Variants in BMP8A observed in about 807,000 individuals in gnomAD.
BMP8A encodes the protein BMP-8A.
A neutral mutation model predicts 36.8 loss-of-function variants in BMP8A; 14 were observed. The ratio of observed to expected loss-of-function variants is 0.38; its 90% CI spans 0.25 to 0.60. The LOEUF (loss-of-function observed/expected upper bound fraction) is 0.60, where lower values mean the gene tolerates loss of function less well. BMP8A is among the 20% of genes least tolerant of loss of function. The pLI, the probability that BMP8A is intolerant of heterozygous loss-of-function variation, is 0.63. For synonymous variants in BMP8A, 120 were observed against 237.7 expected, an observed-to-expected ratio of 0.50 and a Z score of 4.55; for missense variants, 267 against 551.1, an observed-to-expected ratio of 0.48 and a Z score of 5.16.
Position 39,524,372 on chromosome 1 carries a change from A to G in BMP8A, c.1059+1255A>G, listed in dbSNP as rs1439605026. On this transcript the variant is annotated intron_variant, in intron 6 of 6. Coordinates refer to ENST00000331593, the MANE Select transcript of BMP8A (RefSeq NM_181809.4). The surrounding 1 kb of genome is among the most constrained non-coding windows in gnomAD (Gnocchi z 4.0). The stretch of plus-strand genomic sequence containing the variant: ...TCTAGGGGAGGCTGTCGGTGGGCAC[A>G]GAAGCAAACCAACCGTGGAGTTGAC... 6.6e-6 allele frequency among the ~76,000 whole-genome samples: 1 copy of G among 152,278 alleles called. No homozygotes were observed. The highest frequency in any genetic ancestry group is 1.9e-4 in the East Asian group (1 of 5,172).
chr1:39,523,411 G>A lies in BMP8A; in HGVS notation c.1059+294G>A, dbSNP rs1225728783. 3.0e-5 allele frequency: 31 copies of A among 1,026,698 alleles called. No individual in the cohort carries two copies. The South Asian group carries it at 5.0e-4, about 17-fold the overall frequency. 63.6% of individuals were successfully genotyped at this position (1,026,698 alleles called of 1,614,324 possible). A position where few individuals can be genotyped will look rare whatever the true frequency, so the allele number is the denominator to read the frequency against. On this transcript the variant is annotated intron_variant, in intron 6 of 6. Coordinates refer to ENST00000331593, the MANE Select transcript of BMP8A (RefSeq NM_181809.4). The stretch of plus-strand genomic sequence containing the variant: ...CTGTGGGACACTTACACACCTGCGT[G>A]CGGCGCTCAGAGGCACAGCACATGA...
At chr1:39,493,526 T>G (rs959603928) in intron 1 of BMP8A, among the ~76,000 whole-genome samples, 8 of 152,150 alleles carry the variant, frequency 5.3e-5, no homozygotes, top group South Asian at 2.1e-4. Context: ...GAACACAGGG[T>G]ACTGAGCTGC....
chr1:39,499,302 C>G (rs11206189), intron 1 of BMP8A, among the ~76,000 whole-genome samples: 89,040 of 152,064 alleles, frequency 0.59, 27,055 homozygotes, highest in South Asian at 0.76. Flanking sequence ...ACAAGAGGCC[C>G]GAGGGACAGA....
rs564418268 is a variant in BMP8A, at chr1:39,527,814, C to T, written c.*2016C>T. 3.9e-5 allele frequency among the ~76,000 whole-genome samples: 6 copies of T among 152,232 alleles called. No individual in the cohort carries two copies. The South Asian group carries it at 8.3e-4, about 21-fold the overall frequency. ...CAGGACAAGTCCCCTTTCTTATTCA[C>T]GCTTCAGTTTCTCATCTGCAACATG... On this transcript the variant is annotated 3_prime_UTR_variant, in exon 7 of 7. Coordinates refer to ENST00000331593, the MANE Select transcript of BMP8A (RefSeq NM_181809.4).
Position 39,522,439 on chromosome 1 carries a change from G to A in BMP8A, c.905G>A (p.Arg302His), listed in dbSNP as rs370506690. The A allele has an allele frequency of 5.0e-5, 81 of 1,613,176 alleles. No homozygotes were observed. The highest frequency in any genetic ancestry group is 4.2e-4 in the Admixed American group (25 of 59,880). ...VRGSHGRQVC[R>H]RHELYVSFQD... ...GGCTCCCACGGCCGGCAGGTCTGCC[G>A]TCGGCACGAGCTCTACGTCAGCTTC... Residue 302 changes from arginine (R) to histidine (H), a missense_variant, in exon 5 of 7, where the codon CGT becomes CAT. Arg to His is a conservative substitution (Grantham distance 29). Transcript: ENST00000331593.
intron 1 of BMP8A, among the ~76,000 whole-genome samples, chr1:39,504,915 T>G (rs1645287865): frequency 6.6e-6 from 1 of 152,092 alleles, no homozygotes. Flanking sequence ...TGCCTCGATG[T>G]GCATGTAGGC....
chr1:39,523,866 G>A, intron 6 of BMP8A: 1 of 409,224 alleles, frequency 2.4e-6, no homozygotes, highest in Admixed American at 5.3e-5. Context: ...AGGTTCAACG[G>A]TGATGCCTTG....
At chr1:39,499,370 C>G (rs181320361) in intron 1 of BMP8A, among the ~76,000 whole-genome samples, 2 of 152,178 alleles carry the variant, frequency 1.3e-5, no homozygotes. Context: ...CCTTCGGGGC[C>G]GGGGAGGGTC....
intron 1 of BMP8A, among the ~76,000 whole-genome samples, chr1:39,504,250 G>C (rs1288538234): frequency 6.6e-6 from 1 of 151,932 alleles, no homozygotes; most frequent in Admixed American, 6.6e-5. Flanking sequence ...GTGGGCCCAG[G>C]GGACCGGCAC....
intron 1 of BMP8A, among the ~76,000 whole-genome samples, chr1:39,505,045 A>G (rs1288624588): frequency 1.3e-5 from 2 of 152,262 alleles, no homozygotes; most frequent in African/African-American, 4.8e-5. Context: ...AGAATGTCCA[A>G]TCGGGTTTTA....
chr1:39,504,256 G>A (rs60415571), intron 1 of BMP8A, among the ~76,000 whole-genome samples: 2 of 151,714 alleles, frequency 1.3e-5, no homozygotes, highest in Non-Finnish European at 2.9e-5. Flanking sequence ...CCAGGGGACC[G>A]GCACTCAGCA....
intron 1 of BMP8A, among the ~76,000 whole-genome samples, chr1:39,494,486 G>T (rs1053963356): frequency 6.6e-6 from 1 of 151,360 alleles, no homozygotes; most frequent in Non-Finnish European, 1.5e-5. Context: ...CAGTAGCTAG[G>T]GCTACAGTCG....
chr1:39,502,841 C>T (rs557889625), intron 1 of BMP8A, among the ~76,000 whole-genome samples: 7 of 152,300 alleles, frequency 4.6e-5, no homozygotes, highest in African/African-American at 7.2e-5. Flanking sequence ...GTCAGGAGTT[C>T]GAGACTAGCC....
intron 3 of BMP8A, chr1:39,514,902 C>G (rs1178478766): frequency 7.0e-7 from 1 of 1,423,356 alleles, no homozygotes; most frequent in Non-Finnish European, 9.2e-7. Context: ...ACGCGCGGCC[C>G]GAGGCGCACG....
chr1:39,523,171 A>T, intron 6 of BMP8A, 54 bp downstream of exon 6: 1 of 1,593,714 alleles, frequency 6.3e-7, no homozygotes, highest in East Asian at 2.2e-5. Flanking sequence ...CCCTGCAGAG[A>T]GGGGTCTGGT....
intron 1 of BMP8A, among the ~76,000 whole-genome samples, chr1:39,497,375 AG>A (rs1645214332): frequency 6.6e-6 from 1 of 152,184 alleles, no homozygotes; most frequent in Non-Finnish European, 1.5e-5. Context: ...CAGTGTGGCC[AG>A]CTGGAAGCCG....
chr1:39,515,631 A>C, intron 3 of BMP8A: 1 of 1,565,228 alleles, frequency 6.4e-7, no homozygotes, highest in Non-Finnish European at 8.7e-7. Context: ...CTTCAGGAGA[A>C]GCGCCCGCAA....
intron 3 of BMP8A, among the ~76,000 whole-genome samples, chr1:39,513,339 TAAAG>T (rs566916485): frequency 0.063 from 8,028 of 127,590 alleles, 265 homozygotes; most frequent in Non-Finnish European, 0.087. Flanking sequence ...ATGCATAAAA[TAAAG>T]AACCCCCTGA....
In BMP8A at chr1:39,511,264, C is replaced by T; in HGVS notation, c.425C>T (p.Thr142Ile). 7.6e-7 allele frequency: 1 copy of T among 1,307,970 alleles called. No homozygotes were observed. The highest frequency in any genetic ancestry group is 1.1e-6 in the Non-Finnish European group (1 of 945,894). 81.0% of individuals were successfully genotyped at this position (1,307,970 alleles called of 1,614,324 possible). ...LTQIPAGEAV[T>I]AAEFRIYKVP... ...CAGATCCCGGCTGGGGAGGCGGTCA[C>T]AGCTGCGGAGTTCCGGATTTACAAG... Residue 142 changes from threonine to isoleucine, a missense_variant, in exon 2 of 7, where the codon ACA (threonine) becomes ATA (isoleucine). By Grantham distance (89) the Thr-to-Ile change is moderately conservative. Around this residue, in one of 7 missense-constraint regions of BMP8A, gnomAD observed 13 missense variants for 75.8 expected, o/e 0.17. Coordinates refer to ENST00000331593, the MANE Select transcript of BMP8A (RefSeq NM_181809.4).
Sources: gnomAD v4.1 joint callset for allele counts (sites outside exome capture counted in the v4.1 genomes callset) on GRCh38, gnomAD v4.1.1 for gene constraint, gnomAD v4.1.1 regional missense constraint, Gnocchi (gnomAD v3.1) non-coding constraint, MANE v1.5 for transcripts, NCBI Gene and HGNC (gene_info 2026-07-23, HGNC 2026-07-21) for gene names.